Variants in SYNRG observed in about 807,000 individuals in gnomAD.
The protein encoded by SYNRG is AP1 gamma subunit binding protein 1.
A neutral mutation model predicts 130.9 loss-of-function variants in SYNRG; 37 were observed. That is an observed-to-expected ratio of 0.28 (90% CI 0.22 to 0.37). The LOEUF is 0.37. Ranked by LOEUF, SYNRG falls within the 10% of genes least tolerant of loss-of-function variation. The pLI, the probability that SYNRG is intolerant of heterozygous loss-of-function variation, is 1.00. For synonymous variants in SYNRG, 539 were observed against 568.1 expected, an observed-to-expected ratio of 0.95 and a Z score of 0.73; for missense variants, 1,338 against 1,588.9, an observed-to-expected ratio of 0.84 and a Z score of 2.68.
chr17:37,589,348 G>A lies in SYNRG; in HGVS notation c.241-2799C>T, dbSNP rs564244883. On this transcript the variant is annotated intron_variant, in intron 3 of 21. Coordinates refer to ENST00000612223, the MANE Select transcript of SYNRG (RefSeq NM_007247.6). ...GGCATAAGATATTTACTGATGCAAG[G>A]AAAGACAGATACAGCAATGGGACAA... Among the ~76,000 whole-genome samples, 11 of 152,294 alleles carry A rather than the reference G, an allele frequency of 7.2e-5. No homozygotes were observed. In the South Asian group the frequency reaches 2.3e-3, roughly 32 times the overall value.
At position 37,518,862 on chromosome 17, in the gene SYNRG, C is replaced by T. The variant is rs1258805880; in HGVS notation, c.*78G>A. On this transcript the variant is annotated 3_prime_UTR_variant, in exon 22 of 22. Coordinates refer to ENST00000612223, the MANE Select transcript of SYNRG (RefSeq NM_007247.6). Reference sequence around the variant, plus strand: ...TCAGGGAAGCGAACTGTGCAGTGCTCGCATTCTATTTATTGGTCCCTGTCA... The same window carrying T: ...TCAGGGAAGCGAACTGTGCAGTGCTTGCATTCTATTTATTGGTCCCTGTCA... The T allele has an allele frequency of 3.2e-6, 5 of 1,565,746 alleles. No individual in the cohort carries two copies. The highest frequency in any genetic ancestry group is 1.4e-5 in the African/African-American group (1 of 73,560).
At chr17:37,559,466 G>C (rs1341947853) in intron 13 of SYNRG, among the ~76,000 whole-genome samples, 2 of 152,336 alleles carry the variant, frequency 1.3e-5, no homozygotes, top group South Asian at 2.1e-4. Context: ...GAGGCGGGCA[G>C]ATCACCTGAG....
At chr17:37,521,696 A>G (rs1246733605) in intron 19 of SYNRG, among the ~76,000 whole-genome samples, 1 of 152,182 alleles carries the variant, frequency 6.6e-6, no homozygotes, top group Non-Finnish European at 1.5e-5. Flanking sequence ...CTCAGCCAGA[A>G]GTCTGCTGTA....
intron 1 of SYNRG, among the ~76,000 whole-genome samples, chr17:37,605,309 A>C (rs547600170): frequency 6.6e-6 from 1 of 152,362 alleles, no homozygotes; most frequent in East Asian, 1.9e-4. Context: ...AAACATTTAA[A>C]TTAGTCATAT....
In SYNRG at chr17:37,553,237, T is replaced by G; in HGVS notation, c.2486A>C (p.Glu829Ala). The G allele has an allele frequency of 1.2e-6, 2 of 1,613,964 alleles. No homozygotes were observed. The highest frequency in any genetic ancestry group is 8.5e-7 in the Non-Finnish European group (1 of 1,179,984). ...GTCAAACTGAACAGAGAGTGCATCT[T>G]CAGAGTCCTCCTTGCCAACACTGCT... ...GGSSVGKEDS[E>A]DALSVQFDMK... The change falls in exon 14 of 22, where the codon GAA becomes GCA. Residue 829 changes from glutamate to alanine, a missense_variant. This residue lies in a region of SYNRG where 1,146 missense variants were observed against 1,342.3 expected (regional missense o/e 0.85). Coordinates refer to ENST00000612223, the MANE Select transcript of SYNRG (RefSeq NM_007247.6).
chr17:37,524,747 A>G (rs1750749542), intron 19 of SYNRG, among the ~76,000 whole-genome samples: 1 of 152,240 alleles, frequency 6.6e-6, no homozygotes, highest in African/African-American at 2.4e-5. Context: ...TGGACATAAA[A>G]CATGCTCTGG....
intron 4 of SYNRG, 147 bp downstream of exon 4, chr17:37,586,272 G>A: frequency 8.4e-7 from 1 of 1,189,474 alleles, no homozygotes; most frequent in Non-Finnish European, 1.1e-6. Flanking sequence ...GGGATTATAG[G>A]CATGAACCAC....
chr17:37,570,213 G>A (rs1443306996), intron 10 of SYNRG, among the ~76,000 whole-genome samples: 2 of 137,962 alleles, frequency 1.4e-5, no homozygotes, highest in African/African-American at 5.5e-5. Context: ...TGGTGTGATC[G>A]TAATCATAGC....
intron 11 of SYNRG, among the ~76,000 whole-genome samples, chr17:37,565,037 G>T (rs775952596): frequency 1.3e-5 from 2 of 152,192 alleles, no homozygotes; most frequent in Non-Finnish European, 2.9e-5. Context: ...GCCGAGGCAG[G>T]CAGATCACCT....
At chr17:37,562,801 T>C (rs908973200) in intron 11 of SYNRG, among the ~76,000 whole-genome samples, 1 of 152,074 alleles carries the variant, frequency 6.6e-6, no homozygotes, top group African/African-American at 2.4e-5. Context: ...CAGTTCACTG[T>C]ACAGAATGTT....
chr17:37,602,563 G>A (rs956712515), intron 1 of SYNRG, among the ~76,000 whole-genome samples: 4 of 152,158 alleles, frequency 2.6e-5, no homozygotes, highest in Non-Finnish European at 4.4e-5. Flanking sequence ...GAATAGCGGT[G>A]AGAATGAAGA....
At chr17:37,597,409 A>G (rs1411092423) in intron 2 of SYNRG, among the ~76,000 whole-genome samples, 3 of 152,268 alleles carry the variant, frequency 2.0e-5, no homozygotes, top group Admixed American at 6.5e-5. Context: ...GTTACACAAC[A>G]GCAGATAACT....
intron 1 of SYNRG, among the ~76,000 whole-genome samples, chr17:37,601,655 G>T (rs1371249280): frequency 6.6e-6 from 1 of 151,780 alleles, no homozygotes; most frequent in African/African-American, 2.4e-5. Flanking sequence ...TTTTTAAGCT[G>T]ACAACTTTAT....
chr17:37,518,878 G>C lies in SYNRG; in HGVS notation c.*62C>G. 1.3e-6 allele frequency: 2 copies of C among 1,584,904 alleles called. No individual in the cohort carries two copies. Among genetic ancestry groups the C allele is most frequent in the Non-Finnish European group, 1.7e-6 (2 of 1,164,274 alleles). ...TGCAGTGCTCGCATTCTATTTATTG[G>C]TCCCTGTCACCCCGTGGGGTGTCAC... is the stretch of plus-strand genomic sequence containing the variant. On this transcript the variant is annotated 3_prime_UTR_variant, in exon 22 of 22. Transcript: ENST00000612223.
At chr17:37,565,562 C>T (rs1206272248) in intron 11 of SYNRG, among the ~76,000 whole-genome samples, 1 of 150,028 alleles carries the variant, frequency 6.7e-6, no homozygotes, top group Non-Finnish European at 1.5e-5. Flanking sequence ...AAGTGAGGAG[C>T]GTCTCCGCCC....
At chr17:37,593,710 C>A (rs1432206000) in intron 3 of SYNRG, among the ~76,000 whole-genome samples, 1 of 152,046 alleles carries the variant, frequency 6.6e-6, no homozygotes, top group Admixed American at 6.6e-5. Flanking sequence ...CATGGCGAAA[C>A]CCCATCTCTA....
intron 6 of SYNRG, among the ~76,000 whole-genome samples, chr17:37,581,765 CTTTTTTTTT>C (rs398041650): frequency 9.5e-6 from 1 of 105,308 alleles, no homozygotes; most frequent in South Asian, 3.1e-4. Flanking sequence ...CATTTTTTTT[CTTTTTTTTT>C]TTTTTTTTGA....
intron 11 of SYNRG, among the ~76,000 whole-genome samples, chr17:37,563,420 T>C (rs1313599695): frequency 1.3e-5 from 2 of 152,250 alleles, no homozygotes; most frequent in Admixed American, 6.5e-5. Context: ...GATAGCTTTA[T>C]TTAGTTGCTT....
chr17:37,556,734 C>T (rs1228617771), intron 13 of SYNRG, among the ~76,000 whole-genome samples: 3 of 152,130 alleles, frequency 2.0e-5, no homozygotes, highest in South Asian at 2.1e-4. Flanking sequence ...ATTTCACAAA[C>T]TGACAGAAGA....
Sources: allele counts gnomAD v4.1 joint callset (sites outside exome capture counted in the v4.1 genomes callset), GRCh38; gene constraint gnomAD v4.1.1; regional missense constraint gnomAD v4.1.1; transcripts MANE v1.5; gene names NCBI Gene and HGNC (gene_info 2026-07-23, HGNC 2026-07-21).